The following EIPR1 variants were observed in gnomAD, a reference collection of about 807,000 sequenced individuals.
EIPR1 encodes the protein EARP and GARP complex-interacting protein 1.
In EIPR1, 25 loss-of-function variants were observed where a neutral mutation model predicts 48.1. That is an observed-to-expected ratio of 0.52 (90% CI 0.38 to 0.73). The LOEUF is 0.73. Ranked by LOEUF, EIPR1 falls within the 30% of genes least tolerant of loss-of-function variation. The pLI is 0.00. For missense variants in EIPR1, 415 were observed against 506.2 expected, an observed-to-expected ratio of 0.82 and a Z score of 1.73; for synonymous variants, 204 against 201.9, an observed-to-expected ratio of 1.01 and a Z score of -0.09.
At position 3,312,256 on chromosome 2, in the gene EIPR1, C is replaced by A. The variant is rs1011177814; in HGVS notation, c.259+25761G>T. Among the ~76,000 whole-genome samples the A allele has an allele frequency of 6.6e-6, 1 of 152,164 alleles. No homozygotes were observed. Among genetic ancestry groups the A allele is most frequent in the African/African-American group, 2.4e-5 (1 of 41,428 alleles). On this transcript the variant is annotated intron_variant, in intron 3 of 8. Transcript: ENST00000382125. The surrounding 1 kb of genome is among the most constrained non-coding windows in gnomAD (Gnocchi z 5.5). Reference sequence around the variant, plus strand: ...GCCTATGGCCACTGAGGCCGCATTCCGGGTGTGCTCTGACGTTTTACCCGC... The same window carrying A: ...GCCTATGGCCACTGAGGCCGCATTCAGGGTGTGCTCTGACGTTTTACCCGC...
At chr2:3,208,581 C>G (rs1665315936) in intron 5 of EIPR1, 1 of 1,550,608 alleles carries the variant, frequency 6.4e-7, no homozygotes, top group Non-Finnish European at 8.7e-7. Context: ...CCTTATTACC[C>G]TCTCCAAAGT....
intron 3 of EIPR1, among the ~76,000 whole-genome samples, chr2:3,284,349 G>C (rs957119326): frequency 8.4e-6 from 1 of 119,370 alleles, no homozygotes; most frequent in African/African-American, 3.3e-5. Flanking sequence ...CATGGAGATG[G>C]GGCCGGAGGC....
intron 4 of EIPR1, among the ~76,000 whole-genome samples, chr2:3,256,024 T>TAAA (rs1176779740): frequency 6.6e-6 from 1 of 152,200 alleles, no homozygotes; most frequent in African/African-American, 2.4e-5. Context: ...ACTTTGGGAC[T>TAAA]CTTCATCTGC....
chr2:3,221,857 TAG>T (rs1195263487), intron 4 of EIPR1, among the ~76,000 whole-genome samples: 1 of 152,206 alleles, frequency 6.6e-6, no homozygotes, highest in Non-Finnish European at 1.5e-5. Context: ...AGAGCATTTA[TAG>T]AGTCAGGTGC....
At chr2:3,303,327 C>T (rs1668815884) in intron 3 of EIPR1, among the ~76,000 whole-genome samples, 1 of 152,188 alleles carries the variant, frequency 6.6e-6, no homozygotes, top group African/African-American at 2.4e-5. Flanking sequence ...CGGAGCCTCA[C>T]CAGGGCCATG....
intron 1 of EIPR1, among the ~76,000 whole-genome samples, chr2:3,362,183 C>G (rs75885165): frequency 6.6e-6 from 1 of 152,100 alleles, no homozygotes; most frequent in African/African-American, 2.4e-5. Context: ...TTTCATCACA[C>G]GGGGATGAGC....
At chr2:3,220,160 C>T (rs529864848) in intron 4 of EIPR1, among the ~76,000 whole-genome samples, 1 of 152,330 alleles carries the variant, frequency 6.6e-6, no homozygotes, top group East Asian at 1.9e-4. Flanking sequence ...TTCCACGAAA[C>T]TGGTCCCTGT....
intron 4 of EIPR1, among the ~76,000 whole-genome samples, chr2:3,246,887 G>A (rs1228866073): frequency 1.2e-5 from 1 of 81,346 alleles, no homozygotes; most frequent in East Asian, 4.1e-4. Context: ...GAGGGAGGGA[G>A]GGAGGGAGGG....
At chr2:3,241,277 A>G (rs1666617064) in intron 4 of EIPR1, among the ~76,000 whole-genome samples, 1 of 152,234 alleles carries the variant, frequency 6.6e-6, no homozygotes, top group Non-Finnish European at 1.5e-5. Flanking sequence ...GAGGTAATCC[A>G]TGGGGGCCCA....
intron 3 of EIPR1, among the ~76,000 whole-genome samples, chr2:3,294,592 C>A (rs552764679): frequency 1.4e-5 from 2 of 147,396 alleles, no homozygotes; most frequent in African/African-American, 5.0e-5. Flanking sequence ...CACACATACA[C>A]CCTCCATCCA....
chr2:3,316,953 T>G (rs1669321625), intron 3 of EIPR1, among the ~76,000 whole-genome samples: 1 of 152,244 alleles, frequency 6.6e-6, no homozygotes, highest in Non-Finnish European at 1.5e-5. Context: ...ATGTGTGAGC[T>G]GAGGATTCTG....
At chr2:3,336,715 C>A (rs942006383) in intron 3 of EIPR1, among the ~76,000 whole-genome samples, 1 of 151,456 alleles carries the variant, frequency 6.6e-6, no homozygotes, top group Non-Finnish European at 1.5e-5. Flanking sequence ...TTGCAGTGAG[C>A]CCAGATTGCA....
chr2:3,237,870 T>C (rs1666464268), intron 4 of EIPR1, among the ~76,000 whole-genome samples: 1 of 152,214 alleles, frequency 6.6e-6, no homozygotes, highest in African/African-American at 2.4e-5. Flanking sequence ...TGCTGTTCAA[T>C]AAGCCCTCGC....
chr2:3,273,338 C>T (rs1415212374), intron 3 of EIPR1, among the ~76,000 whole-genome samples: 1 of 152,182 alleles, frequency 6.6e-6, no homozygotes, highest in Admixed American at 6.5e-5. Context: ...ACCCTTCATG[C>T]TTGGCCTCTG....
chr2:3,260,688 AT>A (rs1667308386), intron 3 of EIPR1, among the ~76,000 whole-genome samples: 1 of 152,182 alleles, frequency 6.6e-6, no homozygotes, highest in South Asian at 2.1e-4. Flanking sequence ...AAACAACCCA[AT>A]TTTTTTAAAT....
intron 3 of EIPR1, among the ~76,000 whole-genome samples, chr2:3,276,228 G>A (rs181854767): frequency 1.3e-3 from 194 of 152,262 alleles, no homozygotes; most frequent in Non-Finnish European, 3.4e-4. Context: ...TGTTGCAAAT[G>A]CTATATCAAA....
chr2:3,330,809 G>C (rs1669867960), intron 3 of EIPR1, among the ~76,000 whole-genome samples: 1 of 149,766 alleles, frequency 6.7e-6, no homozygotes, highest in South Asian at 2.1e-4. Flanking sequence ...GGTGTGAGCA[G>C]AGACAGGCAC....
At chr2:3,194,254 GA>G in intron 6 of EIPR1, 88 bp from the exon 7 acceptor site, 1 of 1,523,688 alleles carries the variant, frequency 6.6e-7, no homozygotes, top group Non-Finnish European at 8.9e-7. Context: ...GGTTTCCCGG[GA>G]CCCTGTCTAA....
chr2:3,360,175 G>T (rs1265168564), intron 1 of EIPR1, among the ~76,000 whole-genome samples: 2 of 152,004 alleles, frequency 1.3e-5, no homozygotes, highest in Admixed American at 6.6e-5. Flanking sequence ...AGGCCGAGGC[G>T]AGCAGATCAC....
Sources: allele counts gnomAD v4.1 joint callset (sites outside exome capture counted in the v4.1 genomes callset), GRCh38; gene constraint gnomAD v4.1.1; non-coding constraint Gnocchi (gnomAD v3.1); transcripts MANE v1.5; gene names NCBI Gene and HGNC (gene_info 2026-07-23, HGNC 2026-07-21).